CSMD3: variants seen among roughly 807,000 people sequenced by gnomAD.
The protein encoded by CSMD3 is CUB and Sushi multiple domains 3, also known as CUB and sushi domain-containing protein 3.
Under a neutral mutation model 435.2 loss-of-function variants are expected in CSMD3, and 177 were observed. The ratio of observed to expected loss-of-function variants is 0.41; its 90% confidence interval spans 0.36 to 0.46. CSMD3 has a LOEUF of 0.46. Among genes scored for constraint, CSMD3 ranks in the 20% least tolerant of loss-of-function variants. CSMD3 has a pLI of 0.34. For synonymous variants in CSMD3, 1,656 were observed against 1,520.5 expected, an observed-to-expected ratio of 1.09 and a Z score of -2.07; for missense variants, 4,265 against 4,504.6, an observed-to-expected ratio of 0.95 and a Z score of 1.52.
In CSMD3 at chr8:112,568,561, G is replaced by GAA. The variant is rs558484645; in HGVS notation, c.4042+4938_4042+4939dup. Among the ~76,000 whole-genome samples the GAA allele has an allele frequency of 2.9e-3, 378 of 129,578 alleles. 3 individuals are homozygous for GAA. Among genetic ancestry groups the GAA allele is most frequent in the African/African-American group, 0.01 (368 of 35,258 alleles). 85.0% of individuals were successfully genotyped at this position (129,578 alleles called of 152,430 possible). ...AGCCTGGGCGACAGAGCAAGGCACT[G>GAA]AAAAAAAAAAAAGAAAAGAAAAGAA... On this transcript the variant is annotated intron_variant, in intron 24 of 70. Transcript: ENST00000297405.
chr8:112,912,109 A>C (rs941596756), intron 10 of CSMD3, among the ~76,000 whole-genome samples: 1 of 149,600 alleles, frequency 6.7e-6, no homozygotes, highest in African/African-American at 2.4e-5. Context: ...AACATAACAT[A>C]TATCCATTAT....
At chr8:112,637,793 A>C (rs2074703315) in intron 21 of CSMD3, among the ~76,000 whole-genome samples, 3 of 152,066 alleles carry the variant, frequency 2.0e-5, no homozygotes, top group Admixed American at 2.0e-4. Context: ...AATTACTTGG[A>C]CTTTTTTTAA....
chr8:113,173,096 A>G (rs1240407028), intron 4 of CSMD3, among the ~76,000 whole-genome samples: 1 of 152,184 alleles, frequency 6.6e-6, no homozygotes, highest in African/African-American at 2.4e-5. Flanking sequence ...TCTTAAAGCA[A>G]AACAATTTTG....
intron 35 of CSMD3, among the ~76,000 whole-genome samples, chr8:112,397,221 C>A (rs1178728456): frequency 6.6e-6 from 1 of 152,042 alleles, no homozygotes; most frequent in Non-Finnish European, 1.5e-5. Flanking sequence ...GTAGTTGCAC[C>A]AAATGGTAAA....
intron 41 of CSMD3, 76 bp from the exon 42 acceptor site, chr8:112,341,762 C>T (rs1825138173): frequency 3.3e-6 from 3 of 901,264 alleles, no homozygotes; most frequent in Non-Finnish European, 5.4e-6. Context: ...CACACAATCA[C>T]ATCAATGTAC....
chr8:112,686,775 C>T (rs1261370561), intron 14 of CSMD3, among the ~76,000 whole-genome samples: 1 of 152,018 alleles, frequency 6.6e-6, no homozygotes, highest in East Asian at 1.9e-4. Context: ...CGTGAGCTAC[C>T]GTGCCCGGCC....
At position 112,295,911 on chromosome 8, in the gene CSMD3, C is replaced by A; in HGVS notation, c.8536G>T (p.Gly2846Cys). The change falls in exon 54 of 71, where the codon GGT becomes TGT. Residue 2846 changes from glycine (G) to cysteine (C), a missense_variant. Physicochemically the swap from Gly to Cys is radical, Grantham distance 159. Around this residue, in one of 3 missense-constraint regions of CSMD3, gnomAD observed 3,255 missense variants for 3,380.2 expected, o/e 0.96. Transcript: ENST00000297405. ...RDTVVYQCNP[G>C]FRLIGSSVRI... Reference sequence around the variant, plus strand: ...ACTGAAGAACCAATCAATCGAAAACCAGGATTACATTGATATACAACTGTG... The same window carrying A: ...ACTGAAGAACCAATCAATCGAAAACAAGGATTACATTGATATACAACTGTG... 1 of 1,613,794 alleles carries A rather than the reference C, an allele frequency of 6.2e-7. No homozygotes were observed. The highest frequency in any genetic ancestry group is 8.5e-7 in the Non-Finnish European group (1 of 1,179,814).
chr8:112,282,153 T>C (rs1184353911), intron 58 of CSMD3, among the ~76,000 whole-genome samples: 44 of 152,074 alleles, frequency 2.9e-4, no homozygotes, highest in Admixed American at 2.9e-3. Context: ...TGAAATATGA[T>C]TATAATTTCA....
chr8:112,704,339 T>C (rs150964079), intron 13 of CSMD3, among the ~76,000 whole-genome samples: 1 of 152,264 alleles, frequency 6.6e-6, no homozygotes, highest in African/African-American at 2.4e-5. Flanking sequence ...AAAACTATGC[T>C]TTTCTTTGAC....
At chr8:112,484,663 A>G (rs1819946634) in intron 31 of CSMD3, among the ~76,000 whole-genome samples, 2 of 152,126 alleles carry the variant, frequency 1.3e-5, no homozygotes, top group African/African-American at 4.8e-5. Flanking sequence ...GATATGGTTT[A>G]AATATGAACC....
intron 13 of CSMD3, among the ~76,000 whole-genome samples, chr8:112,737,696 T>A (rs764836874): frequency 6.6e-6 from 1 of 151,832 alleles, no homozygotes; most frequent in East Asian, 1.9e-4. Flanking sequence ...TGTGATGAGA[T>A]CGTAAGTGGC....
intron 13 of CSMD3, among the ~76,000 whole-genome samples, chr8:112,789,255 A>G (rs9297479): frequency 0.84 from 128,243 of 152,030 alleles, 54,346 homozygotes; most frequent in African/African-American, 0.91. Flanking sequence ...CCCATTTAAG[A>G]TATCTCAGTT....
chr8:112,594,601 C>A (rs1831514181), intron 22 of CSMD3, among the ~76,000 whole-genome samples: 1 of 152,188 alleles, frequency 6.6e-6, no homozygotes, highest in Admixed American at 6.5e-5. Flanking sequence ...CCTCTGCAGA[C>A]TTAAATGTCC....
chr8:113,245,126 TTTTTCAGCTTATTTA>T (rs1480354270), intron 3 of CSMD3, among the ~76,000 whole-genome samples: 1 of 152,096 alleles, frequency 6.6e-6, no homozygotes, highest in Non-Finnish European at 1.5e-5. Flanking sequence ...CATATATAGT[TTTTTCAGCTTATTTA>T]TGTATTTGAA....
intron 4 of CSMD3, among the ~76,000 whole-genome samples, chr8:113,112,840 C>T (rs2090703732): frequency 6.6e-6 from 1 of 152,094 alleles, no homozygotes; most frequent in East Asian, 1.9e-4. Flanking sequence ...AAAAACAGTC[C>T]TCTGACCACC....
chr8:112,809,177 G>T (rs2079162721), intron 12 of CSMD3, among the ~76,000 whole-genome samples: 1 of 152,100 alleles, frequency 6.6e-6, no homozygotes, highest in African/African-American at 2.4e-5. Context: ...ACTTCAAGGT[G>T]CTTCTTTCTT....
At chr8:113,067,559 G>A (rs1158440157) in intron 5 of CSMD3, among the ~76,000 whole-genome samples, 1 of 152,014 alleles carries the variant, frequency 6.6e-6, no homozygotes, top group Non-Finnish European at 1.5e-5. Flanking sequence ...AGCAAAAACT[G>A]CAATAACTTT....
intron 20 of CSMD3, among the ~76,000 whole-genome samples, chr8:112,639,379 GCTAT>G (rs1215437195): frequency 1.3e-5 from 2 of 152,098 alleles, no homozygotes; most frequent in African/African-American, 4.8e-5. Context: ...CATAGGGAAT[GCTAT>G]CTGTTAGATG....
At chr8:112,855,375 G>C (rs2080618649) in intron 11 of CSMD3, among the ~76,000 whole-genome samples, 1 of 152,076 alleles carries the variant, frequency 6.6e-6, no homozygotes, top group South Asian at 2.1e-4. Context: ...TTTAAATATA[G>C]TTTTCTCAAA....
Sources: gnomAD v4.1 joint callset for allele counts (sites outside exome capture counted in the v4.1 genomes callset) on GRCh38, gnomAD v4.1.1 for gene constraint, gnomAD v4.1.1 regional missense constraint, MANE v1.5 for transcripts, NCBI Gene and HGNC (gene_info 2026-07-23, HGNC 2026-07-21) for gene names.